The following RAB6B variants were observed in gnomAD, a reference collection of about 807,000 sequenced individuals.
RAB6B encodes RAB6B, member RAS oncogene family.
RAB6B carries 7 observed loss-of-function variants against 31.2 expected under a neutral mutation model. The observed-to-expected ratio is 0.22, with a 90% CI of 0.13 to 0.42. The LOEUF is 0.42. Ranked by LOEUF, RAB6B falls within the 10% of genes least tolerant of loss-of-function variation. The pLI, the probability that RAB6B is intolerant of heterozygous loss-of-function variation, is 1.00. For missense variants in RAB6B, 149 were observed against 280.6 expected (o/e 0.53, Z 3.35); for synonymous variants, 105 against 104.9 (o/e 1.00, Z -0.01).
intron 1 of RAB6B, among the ~76,000 whole-genome samples, chr3:133,873,235 A>C (rs1936350120): frequency 6.6e-6 from 1 of 152,262 alleles, no homozygotes; most frequent in African/African-American, 2.4e-5. Context: ...CTAAGATTCT[A>C]GACAGGAGTG....
chr3:133,867,957 C>G (rs1285912825), intron 1 of RAB6B, among the ~76,000 whole-genome samples: 10 of 152,310 alleles, frequency 6.6e-5, no homozygotes, highest in African/African-American at 1.4e-4. Flanking sequence ...GCCCTCGTCA[C>G]TTCTGCCAGG....
In RAB6B at chr3:133,828,447, A is replaced by T; in HGVS notation, c.*341T>A. ...AGTTTACAAATATACAAAAACAAAA[A>T]GCACATCTTTCAAATAAAAATGACT... On this transcript the variant is annotated 3_prime_UTR_variant, in exon 8 of 8. Coordinates refer to ENST00000285208, the MANE Select transcript of RAB6B (RefSeq NM_016577.4). 5.1e-6 allele frequency: 2 copies of T among 394,736 alleles called. No individual in the cohort carries two copies. The highest frequency in any genetic ancestry group is 4.6e-6 in the Non-Finnish European group (1 of 219,704). 24.5% of individuals were successfully genotyped at this position (394,736 alleles called of 1,614,324 possible).
chr3:133,841,386 C>T lies in RAB6B; in HGVS notation c.188G>A (p.Arg63Gln), dbSNP rs1179735181. ...ACCAGCTGTGTCCCAGAGCTGCAGTCGCACCTGTCTCAGGGAGGGCAGGAC... is the reference window on the plus strand; with the variant it reads ...ACCAGCTGTGTCCCAGAGCTGCAGTTGCACCTGTCTCAGGGAGGGCAGGAC... ...KTMYLEDRTVRLQLWDTAGQE... is the reference protein window; with the variant it reads ...KTMYLEDRTVQLQLWDTAGQE... Residue 63 changes from arginine (R) to glutamine (Q), a missense_variant, in exon 4 of 8, where the codon CGA becomes CAA. Physicochemically the swap from Arg to Gln is conservative, Grantham distance 43. Around this residue, in one of 2 missense-constraint regions of RAB6B, gnomAD observed 75 missense variants for 180.1 expected, o/e 0.42. Transcript: ENST00000285208. 1 of 1,614,040 alleles carries T rather than the reference C, an allele frequency of 6.2e-7. No homozygotes were observed. Among genetic ancestry groups the T allele is most frequent in the Non-Finnish European group, 8.5e-7 (1 of 1,180,012 alleles).
At chr3:133,859,442 G>C (rs1368933641) in intron 2 of RAB6B, among the ~76,000 whole-genome samples, 1 of 152,094 alleles carries the variant, frequency 6.6e-6, no homozygotes, top group Non-Finnish European at 1.5e-5. Flanking sequence ...TGGGTGTCAG[G>C]GTCCAGTGTC....
intron 1 of RAB6B, among the ~76,000 whole-genome samples, chr3:133,889,887 G>C (rs1192766100): frequency 6.6e-6 from 1 of 152,172 alleles, no homozygotes; most frequent in Non-Finnish European, 1.5e-5. Context: ...TTGCTGGCAA[G>C]TTCTCTTGCT....
chr3:133,864,723 A>G, intron 1 of RAB6B, 81 bp from the exon 2 acceptor site: 2 of 1,386,768 alleles, frequency 1.4e-6, no homozygotes, highest in South Asian at 1.2e-5. Context: ...TGAAGAAAAG[A>G]TAACAAAACC....
intron 6 of RAB6B, among the ~76,000 whole-genome samples, chr3:133,837,038 A>AC (rs1935746544): frequency 6.6e-6 from 1 of 151,982 alleles, no homozygotes; most frequent in African/African-American, 2.4e-5. Context: ...GGCAGAAGCG[A>AC]CCGCCAGGCC....
intron 2 of RAB6B, among the ~76,000 whole-genome samples, chr3:133,857,663 G>C (rs1279906215): frequency 1.3e-5 from 2 of 152,210 alleles, no homozygotes; most frequent in Non-Finnish European, 2.9e-5. Context: ...TAGGAATCTA[G>C]ATTTGCCCAG....
chr3:133,841,194 G>A (rs1386004423), intron 4 of RAB6B, 91 bp downstream of exon 4: 1 of 1,048,950 alleles, frequency 9.5e-7, no homozygotes. Flanking sequence ...ACATGCGTGT[G>A]CACACACATG....
rs1351607783 is a variant in RAB6B, at chr3:133,827,575, C to G, written c.*1213G>C. The G allele has an allele frequency of 3.1e-6, 1 of 317,602 alleles. No individual in the cohort carries two copies. The highest frequency in any genetic ancestry group is 4.6e-5 in the Admixed American group (1 of 21,550). The allele number at this position is 317,602 out of a possible 1,614,324, so 19.7% of individuals were successfully genotyped here. ...CACCTGAACCACATCCTCAGGTGAC[C>G]ACAGCGCAGCCACAGTAGCCACAAA... On this transcript the variant is annotated 3_prime_UTR_variant, in exon 8 of 8. Coordinates refer to ENST00000285208, the MANE Select transcript of RAB6B (RefSeq NM_016577.4).
chr3:133,856,244 G>A (rs367942296), intron 2 of RAB6B, among the ~76,000 whole-genome samples: 2 of 152,148 alleles, frequency 1.3e-5, no homozygotes, highest in Non-Finnish European at 2.9e-5. Context: ...GAAGTGGACG[G>A]GAGGACATAG....
chr3:133,839,954 G>A (rs1464647206), intron 4 of RAB6B, among the ~76,000 whole-genome samples: 6 of 152,080 alleles, frequency 3.9e-5, no homozygotes. Context: ...ATTCAGAGTG[G>A]AGAGTGAGAA....
chr3:133,852,783 C>A (rs2107997270), intron 2 of RAB6B, among the ~76,000 whole-genome samples: 1 of 152,270 alleles, frequency 6.6e-6, no homozygotes, highest in South Asian at 2.1e-4. Flanking sequence ...CTGGCAAATC[C>A]TTGATTCTAA....
At chr3:133,830,282 G>A (rs1935637478) in intron 7 of RAB6B, among the ~76,000 whole-genome samples, 1 of 152,202 alleles carries the variant, frequency 6.6e-6, no homozygotes, top group Admixed American at 6.5e-5. Flanking sequence ...TCTCAGCATG[G>A]TGGCTTCCCA....
intron 5 of RAB6B, 35 bp downstream of exon 5, chr3:133,839,471 G>A (rs767582057): frequency 3.9e-6 from 6 of 1,523,990 alleles, no homozygotes; most frequent in Admixed American, 3.3e-5. Flanking sequence ...AGGAGTGGAG[G>A]GTGGCACCCT....
chr3:133,861,029 C>T (rs1936153986), intron 2 of RAB6B, among the ~76,000 whole-genome samples: 1 of 152,230 alleles, frequency 6.6e-6, no homozygotes, highest in African/African-American at 2.4e-5. Flanking sequence ...TCCTCCCCCT[C>T]CATCCCCAGC....
chr3:133,833,437 C>T (rs924046830), intron 7 of RAB6B, among the ~76,000 whole-genome samples: 4 of 152,168 alleles, frequency 2.6e-5, no homozygotes, highest in Non-Finnish European at 4.4e-5. Context: ...CTGACCCCCC[C>T]GGGGGGTGGG....
intron 1 of RAB6B, among the ~76,000 whole-genome samples, chr3:133,879,686 C>G (rs990905307): frequency 3.9e-5 from 6 of 152,212 alleles, no homozygotes; most frequent in Admixed American, 3.9e-4. Flanking sequence ...CACCTGAGAT[C>G]TGACCAAACA....
intron 1 of RAB6B, among the ~76,000 whole-genome samples, chr3:133,893,900 G>A (rs1936670881): frequency 6.6e-6 from 1 of 152,152 alleles, no homozygotes; most frequent in Non-Finnish European, 1.5e-5. Flanking sequence ...TTAAAAACAG[G>A]CAATCAGAAT....
Sources: gnomAD v4.1 joint callset for allele counts (sites outside exome capture counted in the v4.1 genomes callset) on GRCh38, gnomAD v4.1.1 for gene constraint, gnomAD v4.1.1 regional missense constraint, MANE v1.5 for transcripts, NCBI Gene and HGNC (gene_info 2026-07-23, HGNC 2026-07-21) for gene names.